Variants in GRK1 observed in about 807,000 individuals in gnomAD.
GRK1 encodes the protein rhodopsin kinase GRK1.
GRK1 carries 28 observed loss-of-function variants against 41.7 expected under a neutral mutation model. The ratio of observed to expected loss-of-function variants is 0.67; its 90% CI spans 0.50 to 0.92. The LOEUF (loss-of-function observed/expected upper bound fraction) is 0.92, where lower values mean the gene tolerates loss of function less well. Among genes scored for constraint, GRK1 ranks in the 40% least tolerant of loss-of-function variants. The pLI is 0.00. For missense variants in GRK1, 703 were observed against 671.2 expected (o/e 1.05, Z -0.52); for synonymous variants, 327 against 286.7 (o/e 1.14, Z -1.42).
chr13:113,651,559 G>A, the GRK1 span: 12 of 1,248,540 alleles, frequency 9.6e-6, no homozygotes, highest in Middle Eastern at 4.0e-4. Context: ...TTACTGGGCC[G>A]ACGGCTGACA....
rs184639495 is a variant in GRK1 at position 113,667,411 on chromosome 13, G to T, written c.25G>T (p.Val9Leu). ...GATGGATTTCGGGTCTTTGGAGACC[G>T]TGGTGGCCAACTCTGCCTTCATCGC... is the stretch of plus-strand genomic sequence containing the variant. MDFGSLET[V>L]VANSAFIAAR... Residue 9 changes from valine (V) to leucine (L), a missense_variant, in exon 1 of 7, where the codon GTG becomes TTG. Coordinates refer to ENST00000335678, the MANE Select transcript of GRK1 (RefSeq NM_002929.3). This position sits in a 1 kb window ranked among gnomAD's most constrained non-coding sequence, Gnocchi z 7.5. 3.1e-6 allele frequency: 5 copies of T among 1,592,486 alleles called. No homozygotes were observed. The highest frequency in any genetic ancestry group is 4.3e-6 in the Non-Finnish European group (5 of 1,168,256).
At chr13:113,668,974 C>T (rs1000805269) in intron 1 of GRK1, among the ~76,000 whole-genome samples, 4 of 152,238 alleles carry the variant, frequency 2.6e-5, no homozygotes, top group African/African-American at 7.2e-5. Flanking sequence ...GAACTCGGGG[C>T]GAGTAACTAT....
intron 2 of GRK1, among the ~76,000 whole-genome samples, chr13:113,670,644 A>G (rs555090520): frequency 2.0e-5 from 3 of 150,518 alleles, no homozygotes; most frequent in East Asian, 4.0e-4. Flanking sequence ...CGGAGGGGGC[A>G]CTGGGAAGCG....
chr13:113,667,139 G>T, upstream of GRK1: 1 of 468,206 alleles, frequency 2.1e-6, no homozygotes, highest in Non-Finnish European at 3.8e-6. This position sits in a 1 kb window ranked among gnomAD's most constrained non-coding sequence, Gnocchi z 7.5. Context: ...GCACCTTCTT[G>T]CCACTCCTAA....
the GRK1 span, among the ~76,000 whole-genome samples, chr13:113,658,633 C>G: frequency 6.6e-6 from 1 of 152,198 alleles, no homozygotes; most frequent in East Asian, 1.9e-4. Flanking sequence ...CCCTGGGCCC[C>G]CCGCTGCGGC....
chr13:113,664,828 A>T (rs1046182439), upstream of GRK1, among the ~76,000 whole-genome samples: 1 of 152,230 alleles, frequency 6.6e-6, no homozygotes, highest in Non-Finnish European at 1.5e-5. This position sits in a 1 kb window ranked among gnomAD's most constrained non-coding sequence, Gnocchi z 5.4. Flanking sequence ...AGAGACGGCT[A>T]CACTTCACAA....
intron 6 of GRK1, 87 bp from the exon 7 acceptor site, chr13:113,734,981 G>A: frequency 4.6e-6 from 6 of 1,298,686 alleles, no homozygotes; most frequent in Non-Finnish European, 6.1e-6. Context: ...GTGCATCTGG[G>A]AGCCATGGGG....
At chr13:113,655,663 G>A in the GRK1 span, among the ~76,000 whole-genome samples, 1 of 146,576 alleles carries the variant, frequency 6.8e-6, no homozygotes, top group Non-Finnish European at 1.5e-5. Flanking sequence ...TGGATCGCAG[G>A]AGGCATTTGC....
Position 113,723,161 on chromosome 13 carries a change from AGGGTCT to A in GRK1, c.1069+6_1069+11del. ...AAGGGCTACGCAGGGACCCCAGGTAAGGGTCTGAGCGCAGCTGGGGAGGCTCCGTGC... is the reference window on the plus strand; with the variant it reads ...AAGGGCTACGCAGGGACCCCAGGTAAGAGCGCAGCTGGGGAGGCTCCGTGC... On this transcript the variant is annotated splice_donor_5th_base_variant and intron_variant, in intron 4 of 6. Transcript: ENST00000335678. 1.4e-6 allele frequency: 1 copy of A among 700,456 alleles called. No homozygotes were observed. The highest frequency in any genetic ancestry group is 2.6e-6 in the Non-Finnish European group (1 of 383,094). 43.4% of individuals were successfully genotyped at this position (700,456 alleles called of 1,614,324 possible). A position where few individuals can be genotyped will look rare whatever the true frequency, so the allele number is the denominator to read the frequency against.
At position 113,737,362 on chromosome 13, in the gene GRK1, T is replaced by C. The variant is rs375225854; in HGVS notation, c.*1999T>C. 0.19 allele frequency: 13,589 copies of C among 72,522 alleles called. 1,718 individuals are homozygous for C. The highest frequency in any genetic ancestry group is 0.33 in the Admixed American group (2,632 of 8,088). 4.5% of individuals were successfully genotyped at this position (72,522 alleles called of 1,614,324 possible). A position where few individuals can be genotyped will look rare whatever the true frequency, so the allele number is the denominator to read the frequency against. On this transcript the variant is annotated 3_prime_UTR_variant, in exon 7 of 7. Coordinates refer to ENST00000335678, the MANE Select transcript of GRK1 (RefSeq NM_002929.3). ...TCGGCCACACCCTGGGTGAGGAGCATGTCTTCCCATAGATCCCACGTCGGC... is the reference window on the plus strand; with the variant it reads ...TCGGCCACACCCTGGGTGAGGAGCACGTCTTCCCATAGATCCCACGTCGGC...
intron 6 of GRK1, chr13:113,734,812 G>C (rs1368912117): frequency 2.6e-6 from 1 of 385,560 alleles, no homozygotes; most frequent in Admixed American, 4.3e-5. Flanking sequence ...CCTTTCACAA[G>C]AAGGCTCCAA....
rs969134993 is a variant in GRK1 at position 113,736,445 on chromosome 13, C to G, written c.*1082C>G. ...CAGCTCGGCCCCACCCACAATGCAC[C>G]TGGCATTTCCAACTGCACTTTGAAC... On this transcript the variant is annotated 3_prime_UTR_variant, in exon 7 of 7. Transcript: ENST00000335678. 4 of 152,366 alleles carry G rather than the reference C, an allele frequency of 2.6e-5. No individual in the cohort carries two copies. The highest frequency in any genetic ancestry group is 2.6e-4 in the Admixed American group (4 of 15,290). 9.4% of individuals were successfully genotyped at this position (152,366 alleles called of 1,614,324 possible). A position where few individuals can be genotyped will look rare whatever the true frequency, so the allele number is the denominator to read the frequency against.
the GRK1 span, chr13:113,653,481 A>T: frequency 6.5e-7 from 1 of 1,546,090 alleles, no homozygotes; most frequent in Non-Finnish European, 8.9e-7. Flanking sequence ...TGCTCACCAC[A>T]TTTAAGCCAT....
At chr13:113,727,037 C>T (rs2049893493) in intron 4 of GRK1, among the ~76,000 whole-genome samples, 1 of 152,258 alleles carries the variant, frequency 6.6e-6, no homozygotes, top group Admixed American at 6.5e-5. Flanking sequence ...GGTCCCAGGA[C>T]ATCCGTCATG....
chr13:113,726,891 T>C (rs186629159), intron 4 of GRK1, among the ~76,000 whole-genome samples: 1 of 152,162 alleles, frequency 6.6e-6, no homozygotes, highest in Non-Finnish European at 1.5e-5. Context: ...GCAACTCTTT[T>C]GGGGAAAAAG....
chr13:113,659,394 C>G, the GRK1 span, among the ~76,000 whole-genome samples: 2 of 152,188 alleles, frequency 1.3e-5, no homozygotes, highest in African/African-American at 2.4e-5. Flanking sequence ...CCCATACTGT[C>G]AACTCTAGGC....
rs200813373 is a variant in GRK1 at position 113,667,396 on chromosome 13, G to A, written c.10G>A (p.Gly4Arg). 2.8e-4 allele frequency: 435 copies of A among 1,573,560 alleles called. 2 individuals are homozygous for A. In the African/African-American group the frequency reaches 5.3e-3, roughly 19 times the overall value. The change falls in exon 1 of 7, where the codon GGG (glycine) becomes AGG (arginine). Residue 4 changes from glycine (G) to arginine (R), a missense_variant. By Grantham distance (125) the Gly-to-Arg change is moderately radical. Coordinates refer to ENST00000335678, the MANE Select transcript of GRK1 (RefSeq NM_002929.3). This position sits in a 1 kb window ranked among gnomAD's most constrained non-coding sequence, Gnocchi z 7.5. ...GGCAGGAAGCTCCGGGATGGATTTC[G>A]GGTCTTTGGAGACCGTGGTGGCCAA... MDF[G>R]SLETVVANSA...
At chr13:113,651,825 C>G in the GRK1 span, 1 of 1,434,728 alleles carries the variant, frequency 7.0e-7, no homozygotes, top group Non-Finnish European at 9.4e-7. Flanking sequence ...CCGGCCCCAG[C>G]CTGGGCTTTC....
At position 113,723,054 on chromosome 13, in the gene GRK1, C is replaced by T. The variant is rs2049866252; in HGVS notation, c.986-20C>T. ...GCCTGTCCTGTGCAGCCAGGGGTGA[C>T]TCCGCTATCTGCCTCTCAGGCAATG... is the stretch of plus-strand genomic sequence containing the variant. On this transcript the variant is annotated intron_variant, in intron 3 of 6. Coordinates refer to ENST00000335678, the MANE Select transcript of GRK1 (RefSeq NM_002929.3). 1 of 698,608 alleles carries T rather than the reference C, an allele frequency of 1.4e-6. No homozygotes were observed. Among genetic ancestry groups the T allele is most frequent in the Non-Finnish European group, 2.6e-6 (1 of 383,544 alleles). 43.3% of individuals were successfully genotyped at this position (698,608 alleles called of 1,614,324 possible).
Sources: allele counts gnomAD v4.1 joint callset (sites outside exome capture counted in the v4.1 genomes callset), GRCh38; gene constraint gnomAD v4.1.1; non-coding constraint Gnocchi (gnomAD v3.1); transcripts MANE v1.5; gene names NCBI Gene and HGNC (gene_info 2026-07-23, HGNC 2026-07-21).